Variants in CDC42BPB observed in about 807,000 individuals in gnomAD.
CDC42BPB encodes CDC42 binding protein kinase beta.
Under a neutral mutation model 214.9 loss-of-function variants are expected in CDC42BPB, and 37 were observed. That is an observed-to-expected ratio of 0.17 (90% CI 0.13 to 0.23). The LOEUF is 0.23. Among genes scored for constraint, CDC42BPB ranks in the 10% least tolerant of loss-of-function variants. The pLI is 1.00. For missense variants in CDC42BPB, 1,694 were observed against 2,227.0 expected (o/e 0.76, Z 4.82); for synonymous variants, 931 against 884.0 (o/e 1.05, Z -0.94).
chr14:102,939,470 T>G, intron 34 of CDC42BPB, 140 bp downstream of exon 34: 1 of 668,512 alleles, frequency 1.5e-6, no homozygotes, highest in Non-Finnish European at 2.6e-6. Flanking sequence ...GAGACGGGCT[T>G]GTGTGACAGG....
intron 1 of CDC42BPB, among the ~76,000 whole-genome samples, chr14:103,024,245 A>G (rs1339849878): frequency 6.6e-6 from 1 of 152,182 alleles, no homozygotes; most frequent in Non-Finnish European, 1.5e-5. Flanking sequence ...GAAGGACAGA[A>G]AGGAGCCCCA....
chr14:102,959,999 G>A, intron 20 of CDC42BPB: 1 of 199,724 alleles, frequency 5.0e-6, no homozygotes, highest in Non-Finnish European at 8.9e-6. Context: ...CTGAGGTCAG[G>A]AGTTAAAGAC....
rs567899268 is a variant in CDC42BPB, at chr14:103,056,674, G to A, written c.175+325C>T. 2.6e-3 allele frequency among the ~76,000 whole-genome samples: 391 copies of A among 151,854 alleles called. 2 individuals are homozygous for A. Among genetic ancestry groups the A allele is most frequent in the African/African-American group, 8.3e-3 (345 of 41,320 alleles). On this transcript the variant is annotated intron_variant, in intron 1 of 36. Coordinates refer to ENST00000361246, the MANE Select transcript of CDC42BPB (RefSeq NM_006035.4). Reference sequence around the variant, plus strand: ...AGCCGCCAGGGCGAGGGCCCGGCGGGGGGGAGGGGGTGGGAGTGGGAACGT... The same window carrying A: ...AGCCGCCAGGGCGAGGGCCCGGCGGAGGGGAGGGGGTGGGAGTGGGAACGT...
intron 1 of CDC42BPB, among the ~76,000 whole-genome samples, chr14:103,050,523 G>T (rs1888540959): frequency 6.6e-6 from 1 of 152,210 alleles, no homozygotes; most frequent in Non-Finnish European, 1.5e-5. Context: ...CATTTGGGAG[G>T]CCAAGGTAGG....
intron 14 of CDC42BPB, among the ~76,000 whole-genome samples, chr14:102,969,391 G>A (rs901421581): frequency 1.3e-5 from 2 of 152,184 alleles, no homozygotes; most frequent in Non-Finnish European, 2.9e-5. Context: ...ACAGGAATGT[G>A]ATCCGGCTTT....
chr14:103,046,815 G>T (rs767168476), intron 1 of CDC42BPB, among the ~76,000 whole-genome samples: 1 of 151,756 alleles, frequency 6.6e-6, no homozygotes, highest in Non-Finnish European at 1.5e-5. Context: ...CACCATGCCC[G>T]GCTAGTTTTT....
At position 102,995,734 on chromosome 14, in the gene CDC42BPB, GCA is replaced by G. The variant is rs374040997; in HGVS notation, c.596+3829_596+3830del. On this transcript the variant is annotated intron_variant, in intron 5 of 36. Coordinates refer to ENST00000361246, the MANE Select transcript of CDC42BPB (RefSeq NM_006035.4). ...ACCCCAGGAAGGGGCCCAAGCGGCAGCACAGTGGCACGGGCTCCAAACCATGC... is the reference window on the plus strand; with the variant it reads ...ACCCCAGGAAGGGGCCCAAGCGGCAGCAGTGGCACGGGCTCCAAACCATGC... Among the ~76,000 whole-genome samples the G allele has an allele frequency of 3.5e-4, 53 of 152,372 alleles. No individual in the cohort carries two copies. In the East Asian group the frequency reaches 8.9e-3, roughly 26 times the overall value.
intron 1 of CDC42BPB, among the ~76,000 whole-genome samples, chr14:103,029,712 AG>A (rs1230569988): frequency 6.6e-6 from 1 of 151,164 alleles, no homozygotes; most frequent in Non-Finnish European, 1.5e-5. Flanking sequence ...AAAAAAAATT[AG>A]CTGTGTGTGG....
At chr14:102,949,660 G>A in intron 26 of CDC42BPB, 105 bp downstream of exon 26, 1 of 1,415,090 alleles carries the variant, frequency 7.1e-7, no homozygotes, top group East Asian at 2.3e-5. Flanking sequence ...TGAAGCAGGT[G>A]AAGTACTAAT....
chr14:102,936,101 C>T (rs1216459290), intron 36 of CDC42BPB, among the ~76,000 whole-genome samples: 3 of 152,160 alleles, frequency 2.0e-5, no homozygotes, highest in Non-Finnish European at 4.4e-5. Flanking sequence ...AAAACAAGAA[C>T]AAGTATTGGT....
At chr14:103,020,038 G>A (rs8021471) in intron 1 of CDC42BPB, among the ~76,000 whole-genome samples, 31,964 of 152,172 alleles carry the variant, frequency 0.21, 5,408 homozygotes, top group African/African-American at 0.47. Flanking sequence ...GAAAGAGGAC[G>A]GTGTCAAGAG....
intron 19 of CDC42BPB, among the ~76,000 whole-genome samples, chr14:102,963,578 T>C (rs771331772): frequency 4.6e-5 from 7 of 152,088 alleles, no homozygotes; most frequent in Non-Finnish European, 7.4e-5. Flanking sequence ...TCCAGCAACT[T>C]CGTGCAGGGG....
intron 1 of CDC42BPB, among the ~76,000 whole-genome samples, chr14:103,043,044 G>A (rs896586991): frequency 6.6e-6 from 1 of 152,192 alleles, no homozygotes; most frequent in Non-Finnish European, 1.5e-5. Flanking sequence ...ATCACCTGAG[G>A]TCAGGGGTTT....
rs1282502540 is a variant in CDC42BPB, at chr14:103,057,222, G to C, written c.-49C>G. 1 of 1,282,736 alleles carries C rather than the reference G, an allele frequency of 7.8e-7. No individual in the cohort carries two copies. Among genetic ancestry groups the C allele is most frequent in the Admixed American group, 3.8e-5 (1 of 25,982 alleles). 79.5% of individuals were successfully genotyped at this position (1,282,736 alleles called of 1,614,324 possible). On this transcript the variant is annotated 5_prime_UTR_variant, in exon 1 of 37. Transcript: ENST00000361246. ...CGCGCCGGCCTCTCACCGCCGGCTC[G>C]GCCAGTCCGTCAGGGCGCGCCCTCG...
chr14:102,945,101 T>TG (rs1271969813), intron 29 of CDC42BPB: 73 of 363,124 alleles, frequency 2.0e-4, no homozygotes, highest in African/African-American at 1.5e-3. Context: ...GCCCAGCGGC[T>TG]GCCCCGCCCT....
At chr14:102,985,836 A>G (rs1323874959) in intron 6 of CDC42BPB, among the ~76,000 whole-genome samples, 2 of 152,282 alleles carry the variant, frequency 1.3e-5, no homozygotes, top group South Asian at 2.1e-4. Flanking sequence ...AGCAGCTGCC[A>G]ACAGGGTGTG....
intron 5 of CDC42BPB, among the ~76,000 whole-genome samples, chr14:102,993,035 G>A (rs182409642): frequency 1.3e-5 from 2 of 151,876 alleles, no homozygotes; most frequent in Non-Finnish European, 2.9e-5. Flanking sequence ...TTGCCATGTT[G>A]GCCAGGCTGG....
At chr14:103,042,267 C>T (rs1263640366) in intron 1 of CDC42BPB, among the ~76,000 whole-genome samples, 1 of 152,082 alleles carries the variant, frequency 6.6e-6, no homozygotes, top group Non-Finnish European at 1.5e-5. Context: ...GGGCTTGTAT[C>T]TAGAATATAC....
At chr14:102,935,224 G>T (rs72704744) in intron 36 of CDC42BPB, among the ~76,000 whole-genome samples, 1 of 151,620 alleles carries the variant, frequency 6.6e-6, no homozygotes, top group Non-Finnish European at 1.5e-5. Context: ...CCAAAGAAAA[G>T]AATCCACAAA....
Sources: allele counts gnomAD v4.1 joint callset (sites outside exome capture counted in the v4.1 genomes callset), GRCh38; gene constraint gnomAD v4.1.1; transcripts MANE v1.5; gene names NCBI Gene and HGNC (gene_info 2026-07-23, HGNC 2026-07-21).